The following GLIS3 variants were observed in gnomAD, a reference collection of about 807,000 sequenced individuals.
The protein encoded by GLIS3 is GLIS family zinc finger 3.
A neutral mutation model predicts 78.6 loss-of-function variants in GLIS3; 53 were observed. That is an observed-to-expected ratio of 0.67 (90% confidence interval 0.54 to 0.85). The LOEUF is 0.85. Among genes scored for constraint, GLIS3 ranks in the 40% least tolerant of loss-of-function variants. The pLI is 0.00. For synonymous variants in GLIS3, 684 were observed against 509.9 expected, an observed-to-expected ratio of 1.34 and a Z score of -4.60; for missense variants, 1,703 against 1,231.1, an observed-to-expected ratio of 1.38 and a Z score of -5.74.
At chr9:4,265,315 G>C (rs1825892421) in intron 2 of GLIS3, among the ~76,000 whole-genome samples, 1 of 151,856 alleles carries the variant, frequency 6.6e-6, no homozygotes, top group Non-Finnish European at 1.5e-5. Flanking sequence ...TCATGTACCA[G>C]GCATTATACT....
intron 9 of GLIS3, among the ~76,000 whole-genome samples, chr9:3,836,982 T>G (rs1419402144): frequency 6.6e-6 from 1 of 152,228 alleles, no homozygotes; most frequent in Non-Finnish European, 1.5e-5. Flanking sequence ...TGTGCAAGTC[T>G]AGAAGTTCTG....
At chr9:3,928,042 G>A (rs1285900471) in intron 6 of GLIS3, among the ~76,000 whole-genome samples, 3 of 152,202 alleles carry the variant, frequency 2.0e-5, no homozygotes, top group Admixed American at 2.0e-4. Context: ...ATTTTGAGGT[G>A]TGAGGTAAGT....
At chr9:4,475,500 A>G in the GLIS3 span, among the ~76,000 whole-genome samples, 1 of 152,220 alleles carries the variant, frequency 6.6e-6, no homozygotes, top group African/African-American at 2.4e-5. Context: ...CCAGATTTCT[A>G]TCACTTGTGA....
At chr9:4,291,747 C>G (rs7020673) in intron 1 of GLIS3, among the ~76,000 whole-genome samples, 92,642 of 151,948 alleles carry the variant, frequency 0.61, 29,794 homozygotes, top group African/African-American at 0.84. Flanking sequence ...ATTGCTGGAG[C>G]AAATTCAGGA....
intron 2 of GLIS3, among the ~76,000 whole-genome samples, chr9:4,207,031 C>T (rs1819942285): frequency 6.6e-6 from 1 of 152,194 alleles, no homozygotes; most frequent in African/African-American, 2.4e-5. Context: ...AGACAACTTG[C>T]CCTTTTAAAA....
intron 4 of GLIS3, among the ~76,000 whole-genome samples, chr9:3,956,185 GAAAA>G (rs1243726842): frequency 6.7e-6 from 1 of 149,162 alleles, no homozygotes; most frequent in Non-Finnish European, 1.5e-5. Flanking sequence ...CCAGTTGAAA[GAAAA>G]AAAAAATCAC....
chr9:4,373,974 A>T, the GLIS3 span, among the ~76,000 whole-genome samples: 1 of 152,232 alleles, frequency 6.6e-6, no homozygotes, highest in Non-Finnish European at 1.5e-5. Flanking sequence ...CCGAAAATGT[A>T]ATTTTCAAAC....
chr9:4,487,629 T>C, the GLIS3 span, among the ~76,000 whole-genome samples: 2 of 152,148 alleles, frequency 1.3e-5, no homozygotes, highest in South Asian at 2.1e-4. Flanking sequence ...GGAATGTTTA[T>C]TTTGTAAATA....
intron 6 of GLIS3, among the ~76,000 whole-genome samples, chr9:3,903,703 A>C (rs1437766893): frequency 6.6e-6 from 1 of 152,264 alleles, no homozygotes; most frequent in Non-Finnish European, 1.5e-5. Flanking sequence ...TAGAGAAGTC[A>C]GATAATAAAC....
At position 4,117,933 on chromosome 9, in the gene GLIS3, C is replaced by T; in HGVS notation, c.1545G>A (p.Glu515=). 1 of 1,614,172 alleles carries T rather than the reference C, an allele frequency of 6.2e-7. No homozygotes were observed. Among genetic ancestry groups the T allele is most frequent in the Non-Finnish European group, 8.5e-7 (1 of 1,180,038 alleles). The change falls in exon 4 of 11, where the codon GAG becomes GAA. Residue 515 remains glutamate (E), a synonymous_variant. Transcript: ENST00000381971. ...IDCSALYDQQ[E]ELVRHIEKVH... ...CCTTCTCGATGTGCCGCACGAGCTC[C>T]TCCTGCTGGTCGTACAGGGCGCTGC...
intron 2 of GLIS3, among the ~76,000 whole-genome samples, chr9:4,259,188 T>C (rs1431415560): frequency 6.6e-6 from 1 of 152,212 alleles, no homozygotes; most frequent in Non-Finnish European, 1.5e-5. Context: ...ACTGGTAATA[T>C]GGAGAAACTT....
chr9:4,187,955 G>C (rs1030435250), intron 2 of GLIS3, among the ~76,000 whole-genome samples: 6 of 152,066 alleles, frequency 3.9e-5, no homozygotes, highest in African/African-American at 1.4e-4. Flanking sequence ...GGGACAATCT[G>C]ACTTCCTCTT....
At chr9:4,381,988 T>C in the GLIS3 span, among the ~76,000 whole-genome samples, 1 of 152,202 alleles carries the variant, frequency 6.6e-6, no homozygotes, top group Non-Finnish European at 1.5e-5. Context: ...TAAGGCCTGC[T>C]CCTGGACTTT....
At chr9:4,306,286 G>T (rs1314030460) in intron 4 of GLIS3, among the ~76,000 whole-genome samples, 1 of 150,806 alleles carries the variant, frequency 6.6e-6, no homozygotes, top group Non-Finnish European at 1.5e-5. Flanking sequence ...TGTTGCCCAG[G>T]CTGTGGGTTT....
At chr9:3,959,381 G>T (rs1817382774) in intron 4 of GLIS3, among the ~76,000 whole-genome samples, 1 of 152,112 alleles carries the variant, frequency 6.6e-6, no homozygotes, top group Non-Finnish European at 1.5e-5. Context: ...TTGTTTATAA[G>T]CCCCCTAGTC....
At chr9:4,271,281 TC>T (rs1826483632) in intron 2 of GLIS3, among the ~76,000 whole-genome samples, 1 of 152,194 alleles carries the variant, frequency 6.6e-6, no homozygotes, top group South Asian at 2.1e-4. Flanking sequence ...TACATGTTAA[TC>T]AACTATGTTA....
chr9:4,055,209 T>C (rs1171346498), intron 4 of GLIS3, among the ~76,000 whole-genome samples: 4 of 152,322 alleles, frequency 2.6e-5, no homozygotes, highest in South Asian at 4.1e-4. Flanking sequence ...TTGACATCAA[T>C]AGAGTTGGCA....
At chr9:4,446,386 T>C in the GLIS3 span, among the ~76,000 whole-genome samples, 2 of 152,198 alleles carry the variant, frequency 1.3e-5, no homozygotes, top group Admixed American at 6.5e-5. Context: ...TGCCTTGATC[T>C]TGGACTTCCC....
intron 4 of GLIS3, among the ~76,000 whole-genome samples, chr9:4,100,908 T>C (rs1201468211): frequency 6.6e-6 from 1 of 152,268 alleles, no homozygotes; most frequent in East Asian, 1.9e-4. Flanking sequence ...CGTTGTACAA[T>C]ATCAGGGAAC....
Sources: allele counts gnomAD v4.1 joint callset (sites outside exome capture counted in the v4.1 genomes callset), GRCh38; gene constraint gnomAD v4.1.1; transcripts MANE v1.5; gene names NCBI Gene and HGNC (gene_info 2026-07-23, HGNC 2026-07-21).